C2orf66: variants seen among roughly 807,000 people sequenced by gnomAD.
The protein encoded by C2orf66 is chromosome 2 open reading frame 66, also known as uncharacterized protein C2orf66.
Under a neutral mutation model 7.0 loss-of-function variants are expected in C2orf66, and 6 were observed. The ratio of observed to expected loss-of-function variants is 0.86; its 90% CI spans 0.47 to 1.69. The LOEUF is 1.69. C2orf66 is among the 40% of genes most tolerant of loss of function. C2orf66 has a pLI of 0.01. For missense variants in C2orf66, 107 were observed against 112.0 expected (o/e 0.96, Z 0.20); for synonymous variants, 38 against 43.8 (o/e 0.87, Z 0.52).
chr2:196,828,200 C>T, the C2orf66 span, among the ~76,000 whole-genome samples: 8 of 147,364 alleles, frequency 5.4e-5, no homozygotes, highest in East Asian at 4.1e-4. Context: ...CATTTCTAGA[C>T]GAATCAAAAT....
the C2orf66 span, among the ~76,000 whole-genome samples, chr2:196,815,934 G>C: frequency 1.3e-5 from 2 of 152,120 alleles, no homozygotes; most frequent in Non-Finnish European, 2.9e-5. Context: ...TATTTATAGA[G>C]TGCCTCCTCA....
the C2orf66 span, among the ~76,000 whole-genome samples, chr2:196,827,400 C>T: frequency 1.3e-5 from 2 of 152,082 alleles, no homozygotes; most frequent in Non-Finnish European, 2.9e-5. Context: ...GGGTAATCTA[C>T]TTCCTTTCTT....
At chr2:196,829,450 A>G in the C2orf66 span, among the ~76,000 whole-genome samples, 4 of 151,970 alleles carry the variant, frequency 2.6e-5, no homozygotes. Context: ...ATAACCGGGC[A>G]TGGTGGCAGA....
At chr2:196,826,356 T>C in the C2orf66 span, among the ~76,000 whole-genome samples, 6 of 152,232 alleles carry the variant, frequency 3.9e-5, no homozygotes, top group Non-Finnish European at 7.3e-5. Flanking sequence ...AATTTACATA[T>C]TAGTATTGTA....
chr2:196,809,380 A>G (rs1699850383), upstream of C2orf66: 2 of 1,611,350 alleles, frequency 1.2e-6, no homozygotes, highest in East Asian at 4.5e-5. Context: ...GGAGCTGTCA[A>G]TGATCATTGA....
chr2:196,816,850 A>G, the C2orf66 span, among the ~76,000 whole-genome samples: 1 of 152,242 alleles, frequency 6.6e-6, no homozygotes, highest in South Asian at 2.1e-4. Flanking sequence ...CCATATTTCA[A>G]TGTGGGTTCT....
At chr2:196,806,983 A>G (rs900088618) in intron 2 of C2orf66, among the ~76,000 whole-genome samples, 6 of 152,166 alleles carry the variant, frequency 3.9e-5, no homozygotes, top group African/African-American at 1.4e-4. Context: ...AAGCTCAAAT[A>G]TATGCATAAT....
chr2:196,827,413 C>T, the C2orf66 span, among the ~76,000 whole-genome samples: 2 of 152,156 alleles, frequency 1.3e-5, no homozygotes, highest in South Asian at 4.1e-4. Flanking sequence ...CCTTTCTTAA[C>T]ATAAATTCTT....
chr2:196,809,603 A>C, upstream of C2orf66: 1 of 384,826 alleles, frequency 2.6e-6, no homozygotes, highest in East Asian at 3.7e-5. Context: ...TATGGAACAT[A>C]ACATAGAAAG....
upstream of C2orf66, chr2:196,809,715 A>C: frequency 5.4e-6 from 1 of 183,608 alleles, no homozygotes; most frequent in Non-Finnish European, 1.1e-5. Flanking sequence ...AATTACTTTT[A>C]AGCCTTAAGA....
At position 196,806,796 on chromosome 2, in the gene C2orf66, C is replaced by G. The variant is rs562386164; in HGVS notation, c.*19+628G>C. 4.5e-4 allele frequency among the ~76,000 whole-genome samples: 69 copies of G among 152,082 alleles called. 2 individuals are homozygous for G. In the South Asian group the frequency reaches 0.014, roughly 32 times the overall value. ...CTTTGAACCCAGGAGGTGGAGGGTGCAGTGAGCCAAGATCACACCATTGCA... is the reference window on the plus strand; with the variant it reads ...CTTTGAACCCAGGAGGTGGAGGGTGGAGTGAGCCAAGATCACACCATTGCA... On this transcript the variant is annotated intron_variant, in intron 2 of 2. Coordinates refer to ENST00000342506, the MANE Select transcript of C2orf66 (RefSeq NM_213608.3).
intron 1 of C2orf66, among the ~76,000 whole-genome samples, chr2:196,808,854 A>G (rs779581419): frequency 7.2e-5 from 11 of 152,156 alleles, no homozygotes; most frequent in Non-Finnish European, 1.6e-4. Flanking sequence ...CATCAGTTCA[A>G]TCTAAGCTAT....
chr2:196,813,010 G>T (rs191020651), upstream of C2orf66, among the ~76,000 whole-genome samples: 39 of 152,264 alleles, frequency 2.6e-4, no homozygotes, highest in African/African-American at 8.2e-4. Context: ...ACTGCCCAAA[G>T]TAATTTATAG....
At chr2:196,829,699 C>G in the C2orf66 span, among the ~76,000 whole-genome samples, 1 of 151,766 alleles carries the variant, frequency 6.6e-6, no homozygotes, top group Non-Finnish European at 1.5e-5. Context: ...AGATAAAGAC[C>G]ATCCTGGCTA....
chr2:196,809,362 G>A (rs1576049391), upstream of C2orf66: 2 of 1,612,458 alleles, frequency 1.2e-6, no homozygotes, highest in Non-Finnish European at 1.7e-6. Context: ...AGTGAAAGAG[G>A]GGATGCGGGA....
the C2orf66 span, among the ~76,000 whole-genome samples, chr2:196,821,102 A>G: frequency 6.6e-6 from 1 of 152,150 alleles, no homozygotes; most frequent in African/African-American, 2.4e-5. Flanking sequence ...GAGAGATTTG[A>G]CAATGCTGGC....
chr2:196,816,405 G>A, the C2orf66 span, among the ~76,000 whole-genome samples: 1 of 152,328 alleles, frequency 6.6e-6, no homozygotes, highest in Admixed American at 6.5e-5. Flanking sequence ...TATATTAAGT[G>A]TAAGTATAAA....
chr2:196,817,230 CTTT>C, the C2orf66 span, among the ~76,000 whole-genome samples: 15 of 111,744 alleles, frequency 1.3e-4, no homozygotes, highest in African/African-American at 4.4e-4. Context: ...CAAGTATTGT[CTTT>C]TTTTTTTTTT....
At chr2:196,822,401 T>C in the C2orf66 span, among the ~76,000 whole-genome samples, 2 of 152,212 alleles carry the variant, frequency 1.3e-5, no homozygotes, top group Admixed American at 1.3e-4. Flanking sequence ...CCTTCAAAAG[T>C]GCATTCTGTA....
Sources: allele counts gnomAD v4.1 joint callset (sites outside exome capture counted in the v4.1 genomes callset), GRCh38; gene constraint gnomAD v4.1.1; transcripts MANE v1.5; gene names NCBI Gene and HGNC (gene_info 2026-07-23, HGNC 2026-07-21).